The following ZSWIM7 variants were observed in gnomAD, a reference collection of about 807,000 sequenced individuals.
ZSWIM7 encodes the protein zinc finger SWIM-type containing 7.
In ZSWIM7, 22 loss-of-function variants were observed where a neutral mutation model predicts 21.1. That is an observed-to-expected ratio of 1.04 (90% confidence interval 0.74 to 1.49). The LOEUF (loss-of-function observed/expected upper bound fraction) is 1.49, where lower values mean the gene tolerates loss of function less well. ZSWIM7 is among the 40% of genes most tolerant of loss of function. ZSWIM7 has a pLI of 0.00. For missense variants in ZSWIM7, 193 were observed against 168.0 expected (o/e 1.15, Z -0.82); for synonymous variants, 67 against 66.5 (o/e 1.01, Z -0.04).
intron 1 of ZSWIM7, among the ~76,000 whole-genome samples, chr17:15,997,264 A>C (rs1970566965): frequency 6.6e-6 from 1 of 152,172 alleles, no homozygotes; most frequent in Non-Finnish European, 1.5e-5. Flanking sequence ...TGGTTAAGAG[A>C]GATCTCAGCA....
intron 1 of ZSWIM7, among the ~76,000 whole-genome samples, chr17:15,994,943 C>CA (rs1970530325): frequency 6.6e-6 from 1 of 151,648 alleles, no homozygotes; most frequent in South Asian, 2.1e-4. Flanking sequence ...ACTAGACAGC[C>CA]AAGGGTTACC....
intron 4 of ZSWIM7, among the ~76,000 whole-genome samples, chr17:15,979,305 G>A (rs1354751443): frequency 6.6e-6 from 1 of 151,992 alleles, no homozygotes; most frequent in South Asian, 2.1e-4. Context: ...AGGGTTGGGG[G>A]TAAGGTCACA....
At chr17:15,992,792 C>T (rs1307164289) in intron 2 of ZSWIM7, among the ~76,000 whole-genome samples, 1 of 151,962 alleles carries the variant, frequency 6.6e-6, no homozygotes, top group African/African-American at 2.4e-5. Context: ...TATGACAATA[C>T]TGGATATGGT....
At chr17:15,989,607 C>T (rs1382635477) in intron 2 of ZSWIM7, among the ~76,000 whole-genome samples, 7 of 152,110 alleles carry the variant, frequency 4.6e-5, no homozygotes, top group South Asian at 2.1e-4. Flanking sequence ...TGTGAGCCAG[C>T]GTGTCTGGCC....
At chr17:15,993,670 G>GT (rs1970512394) in intron 2 of ZSWIM7, 87 bp downstream of exon 2, 2 of 1,092,470 alleles carry the variant, frequency 1.8e-6, no homozygotes, top group Non-Finnish European at 2.7e-6. Context: ...CCGGTCAAGA[G>GT]TATTTTTAAA....
intron 1 of ZSWIM7, among the ~76,000 whole-genome samples, chr17:15,996,425 C>G (rs775794374): frequency 3.9e-5 from 6 of 152,112 alleles, no homozygotes; most frequent in Non-Finnish European, 7.3e-5. Flanking sequence ...GCAGAAGGAT[C>G]GCCTGAGCCC....
chr17:15,981,677 G>A (rs1970357389), intron 3 of ZSWIM7, among the ~76,000 whole-genome samples: 1 of 152,126 alleles, frequency 6.6e-6, no homozygotes, highest in Non-Finnish European at 1.5e-5. Context: ...GGGAGGTCGA[G>A]GTGGGAGGAT....
At chr17:15,981,827 G>T (rs1035282202) in intron 3 of ZSWIM7, among the ~76,000 whole-genome samples, 1 of 152,192 alleles carries the variant, frequency 6.6e-6, no homozygotes, top group Admixed American at 6.5e-5. Context: ...GAGAAGGGAG[G>T]ACTGCTTGAG....
At chr17:15,986,508 C>G (rs866792060) in intron 3 of ZSWIM7, among the ~76,000 whole-genome samples, 1 of 151,930 alleles carries the variant, frequency 6.6e-6, no homozygotes, top group Non-Finnish European at 1.5e-5. Context: ...TGCCTGTAAT[C>G]CTAGCACTTT....
intron 2 of ZSWIM7, among the ~76,000 whole-genome samples, chr17:15,991,746 A>G (rs1970484249): frequency 6.6e-6 from 1 of 152,132 alleles, no homozygotes; most frequent in Non-Finnish European, 1.5e-5. Flanking sequence ...CCTTGCCCCA[A>G]AGAAAAAACA....
At chr17:15,983,451 A>G (rs1216100443) in intron 3 of ZSWIM7, among the ~76,000 whole-genome samples, 1 of 151,754 alleles carries the variant, frequency 6.6e-6, no homozygotes, top group East Asian at 1.9e-4. Context: ...TGTTATGAAC[A>G]TATCACCGAG....
Position 15,978,107 on chromosome 17 carries a change from TA to T in ZSWIM7, c.362del (p.Leu121GlnfsTer8). 1 of 1,614,174 alleles carries T rather than the reference TA, an allele frequency of 6.2e-7. No homozygotes were observed. Among genetic ancestry groups the T allele is most frequent in the Non-Finnish European group, 8.5e-7 (1 of 1,180,012 alleles). On this transcript the variant is annotated frameshift_variant, in exon 5 of 5. Transcript: ENST00000399277. LOFTEE classifies it high-confidence loss of function. ...LSQVMRTCQQLSVSDKQLTDI... is the reference protein window; with the variant it reads ...LSQVMRTCQQXSVSDKQLTDI... The stretch of plus-strand genomic sequence containing the variant: ...CAGTCAACTGCTTGTCAGAGACACT[TA>T]GCTGCTGACAGGTCCTCATAACCTG...
At chr17:15,999,370 T>C (rs940426482) in intron 1 of ZSWIM7, 149 bp downstream of exon 1, 4 of 1,047,280 alleles carry the variant, frequency 3.8e-6, no homozygotes, top group Non-Finnish European at 5.6e-6. Flanking sequence ...TTTGTTTTTT[T>C]GTCTTTTTAC....
chr17:15,983,344 C>CAA (rs58918337), intron 3 of ZSWIM7, among the ~76,000 whole-genome samples: 873 of 44,220 alleles, frequency 0.02, 72 homozygotes, highest in Middle Eastern at 0.042. Flanking sequence ...GACTCTGTCT[C>CAA]AAAAAAAAAA....
rs938959915 is a variant in ZSWIM7, at chr17:15,999,417, A to C, written c.76+102T>G. 3 of 1,410,730 alleles carry C rather than the reference A, an allele frequency of 2.1e-6. No individual in the cohort carries two copies. In the Admixed American group the frequency reaches 5.7e-5, roughly 27 times the overall value. The allele number at this position is 1,410,730 out of a possible 1,614,324, so 87.4% of individuals were successfully genotyped here. A position where few individuals can be genotyped will look rare whatever the true frequency, so the allele number is the denominator to read the frequency against. On this transcript the variant is annotated intron_variant, in intron 1 of 4. Coordinates refer to ENST00000399277, the MANE Select transcript of ZSWIM7 (RefSeq NM_001042697.2). The stretch of plus-strand genomic sequence containing the variant: ...TTAGAGAACCACATGGAAAAAAGGC[A>C]GGGCCAGGCCCGGACACCCCGCCTC...
intron 4 of ZSWIM7, among the ~76,000 whole-genome samples, chr17:15,980,087 C>G (rs564527868): frequency 6.6e-6 from 1 of 150,804 alleles, no homozygotes; most frequent in African/African-American, 2.4e-5. Context: ...CAGAGGGGCT[C>G]CTCACTTCCC....
At chr17:15,980,935 T>C in intron 4 of ZSWIM7, 105 bp downstream of exon 4, 4 of 779,574 alleles carry the variant, frequency 5.1e-6, no homozygotes, top group Non-Finnish European at 7.9e-6. Flanking sequence ...ACCATTTGTT[T>C]CAACATATAA....
At chr17:15,993,204 C>A (rs1052157385) in intron 2 of ZSWIM7, among the ~76,000 whole-genome samples, 1 of 151,494 alleles carries the variant, frequency 6.6e-6, no homozygotes, top group Non-Finnish European at 1.5e-5. Flanking sequence ...AAATTATTTT[C>A]GTAGAGATGG....
At chr17:15,988,983 A>G (rs1281151611) in intron 2 of ZSWIM7, among the ~76,000 whole-genome samples, 2 of 152,090 alleles carry the variant, frequency 1.3e-5, no homozygotes, top group Non-Finnish European at 2.9e-5. Flanking sequence ...TCGCGCCACT[A>G]CACTCTGGCC....
Sources: gnomAD v4.1 joint callset for allele counts (sites outside exome capture counted in the v4.1 genomes callset) on GRCh38, gnomAD v4.1.1 for gene constraint, MANE v1.5 for transcripts, NCBI Gene and HGNC (gene_info 2026-07-23, HGNC 2026-07-21) for gene names.